SEMA3C: variants seen among roughly 807,000 people sequenced by gnomAD.
SEMA3C encodes semaphorin-3C.
A neutral mutation model predicts 89.4 loss-of-function variants in SEMA3C; 47 were observed. The observed-to-expected ratio is 0.53, with a 90% CI of 0.42 to 0.67. The LOEUF is 0.67. Among genes scored for constraint, SEMA3C ranks in the 30% least tolerant of loss-of-function variants. SEMA3C has a pLI of 0.00. For missense variants in SEMA3C, 839 were observed against 929.1 expected (o/e 0.90, Z 1.26); for synonymous variants, 310 against 320.2 (o/e 0.97, Z 0.34).
At chr7:80,825,097 T>C (rs987239315) in intron 4 of SEMA3C, among the ~76,000 whole-genome samples, 2 of 152,188 alleles carry the variant, frequency 1.3e-5, no homozygotes, top group Non-Finnish European at 2.9e-5. Context: ...CTTAAGTATG[T>C]CGTTTCATTG....
At chr7:80,919,233 G>A (rs28372719), upstream of SEMA3C, 15,306 of 985,106 alleles carry the variant, frequency 0.016, 1,147 homozygotes, top group African/African-American at 0.19. Context: ...GAGCCTGGCA[G>A]GGAGCCGCGG....
intron 2 of SEMA3C, among the ~76,000 whole-genome samples, chr7:80,910,671 T>TA (rs1215228453): frequency 6.6e-6 from 1 of 150,992 alleles, no homozygotes; most frequent in Non-Finnish European, 1.5e-5. Flanking sequence ...TTTTTTTTTT[T>TA]AACAGTAATG....
chr7:80,867,586 T>C (rs1172085469), intron 2 of SEMA3C, among the ~76,000 whole-genome samples: 1 of 152,190 alleles, frequency 6.6e-6, no homozygotes, highest in African/African-American at 2.4e-5. Flanking sequence ...CAGTGAAATT[T>C]TGGAAACTGC....
intron 16 of SEMA3C, among the ~76,000 whole-genome samples, chr7:80,750,473 T>TACATACACACACAC: frequency 1.8e-5 from 1 of 55,460 alleles, no homozygotes; most frequent in East Asian, 4.7e-4. Context: ...TATATATATA[T>TACATACACACACAC]ACACACACAC....
intron 4 of SEMA3C, 56 bp downstream of exon 4, chr7:80,827,369 G>A (rs572827834): frequency 1.2e-4 from 168 of 1,441,626 alleles, no homozygotes; most frequent in African/African-American, 2.3e-4. Flanking sequence ...ACATGGATTC[G>A]AAAACCAAAT....
chr7:80,789,569 T>C, intron 11 of SEMA3C, 41 bp from the exon 12 acceptor site: 1 of 1,385,414 alleles, frequency 7.2e-7, no homozygotes, highest in Non-Finnish European at 9.8e-7. Context: ...ATAAAATAGT[T>C]GTCTTGTTCT....
At chr7:80,799,596 A>G (rs1050000000) in intron 10 of SEMA3C, among the ~76,000 whole-genome samples, 1 of 152,092 alleles carries the variant, frequency 6.6e-6, no homozygotes, top group African/African-American at 2.4e-5. Flanking sequence ...TAATCCCAGC[A>G]CATTGGGAGG....
At position 80,919,007 on chromosome 7, in the gene SEMA3C, C is replaced by G. The variant is rs374720196; in HGVS notation, c.-218G>C. ...GAATCTCAGCGCTGCAGTGCCGCGG[C>G]ACCCGGAGCTCTTCTCCGCGTCGCT... On this transcript the variant is annotated 5_prime_UTR_variant, in exon 1 of 18. Coordinates refer to ENST00000265361, the MANE Select transcript of SEMA3C (RefSeq NM_006379.5). 94 of 985,374 alleles carry G rather than the reference C, an allele frequency of 9.5e-5. 1 individual carries two copies. The African/African-American group carries it at 1.6e-3, about 16-fold the overall frequency. The allele number at this position is 985,374 out of a possible 1,614,324, so 61.0% of individuals were successfully genotyped here. A position where few individuals can be genotyped will look rare whatever the true frequency, so the allele number is the denominator to read the frequency against.
chr7:80,884,844 T>C (rs1791435272), intron 2 of SEMA3C, among the ~76,000 whole-genome samples: 1 of 152,190 alleles, frequency 6.6e-6, no homozygotes, highest in African/African-American at 2.4e-5. Flanking sequence ...AAAAACCAGG[T>C]TGTGATAATA....
At chr7:80,776,614 T>G (rs2117083467) in intron 12 of SEMA3C, among the ~76,000 whole-genome samples, 1 of 152,352 alleles carries the variant, frequency 6.6e-6, no homozygotes, top group South Asian at 2.1e-4. Context: ...ACTTTTGTTA[T>G]ACACACCAGT....
intron 2 of SEMA3C, among the ~76,000 whole-genome samples, chr7:80,829,035 T>C (rs1303925771): frequency 1.3e-5 from 2 of 151,982 alleles, no homozygotes; most frequent in African/African-American, 4.8e-5. Flanking sequence ...GGCATGGTGG[T>C]ATGTGTCTTT....
chr7:80,860,867 AG>A (rs1325517206), intron 2 of SEMA3C, among the ~76,000 whole-genome samples: 24 of 152,278 alleles, frequency 1.6e-4, no homozygotes, highest in African/African-American at 5.3e-4. Context: ...CTGCTTGGTG[AG>A]TGCTTTTCTT....
intron 12 of SEMA3C, among the ~76,000 whole-genome samples, chr7:80,785,183 G>C (rs1158329765): frequency 6.6e-6 from 1 of 152,150 alleles, no homozygotes; most frequent in African/African-American, 2.4e-5. Flanking sequence ...TGGGCTAACT[G>C]TAACAGTTAC....
intron 6 of SEMA3C, among the ~76,000 whole-genome samples, chr7:80,806,043 A>G (rs1289332252): frequency 6.6e-6 from 1 of 151,978 alleles, no homozygotes; most frequent in Non-Finnish European, 1.5e-5. Context: ...ACTTAATTAT[A>G]CTATATATTA....
At chr7:80,803,670 A>G (rs980385285) in intron 8 of SEMA3C, among the ~76,000 whole-genome samples, 5 of 152,074 alleles carry the variant, frequency 3.3e-5, no homozygotes, top group Non-Finnish European at 7.4e-5. Flanking sequence ...CTATTTATAA[A>G]TGGTTCCTTA....
chr7:80,904,401 A>G (rs1294655549), intron 2 of SEMA3C, among the ~76,000 whole-genome samples: 1 of 152,222 alleles, frequency 6.6e-6, no homozygotes, highest in Non-Finnish European at 1.5e-5. Flanking sequence ...CAAAATACAA[A>G]GGATATAGAA....
chr7:80,802,635 G>C, intron 9 of SEMA3C, 30 bp downstream of exon 9: 1 of 1,447,654 alleles, frequency 6.9e-7, no homozygotes, highest in Non-Finnish European at 9.7e-7. Context: ...CCTTCTTTCA[G>C]AAGCATTTTT....
chr7:80,786,991 G>T (rs1188788135), intron 12 of SEMA3C, among the ~76,000 whole-genome samples: 1 of 152,186 alleles, frequency 6.6e-6, no homozygotes, highest in East Asian at 1.9e-4. Flanking sequence ...TGAAAACACT[G>T]AGCATAGGAA....
intron 6 of SEMA3C, among the ~76,000 whole-genome samples, chr7:80,809,811 T>C (rs1458136135): frequency 1.3e-5 from 2 of 152,092 alleles, no homozygotes; most frequent in African/African-American, 2.4e-5. Context: ...TATGACAACA[T>C]GGATGGAACT....
Sources: gnomAD v4.1 joint callset for allele counts (sites outside exome capture counted in the v4.1 genomes callset) on GRCh38, gnomAD v4.1.1 for gene constraint, MANE v1.5 for transcripts, NCBI Gene and HGNC (gene_info 2026-07-23, HGNC 2026-07-21) for gene names.